CEP170: variants seen among roughly 807,000 people sequenced by gnomAD.
CEP170 encodes centrosomal protein 170.
CEP170 carries 21 observed loss-of-function variants against 151.9 expected under a neutral mutation model. The observed-to-expected ratio is 0.14, with a 90% CI of 0.10 to 0.20. The LOEUF is 0.20. CEP170 is among the 10% of genes least tolerant of loss of function. The probability of loss-of-function intolerance (pLI) is 1.00; values close to 1 mark genes in which losing one functional copy is unlikely to be tolerated. For synonymous variants in CEP170, 356 were observed against 648.8 expected (o/e 0.55, Z 6.86); for missense variants, 964 against 1,892.9 (o/e 0.51, Z 9.11).
At position 243,126,491 on chromosome 1, in the gene CEP170, G is replaced by T; in HGVS notation, c.4713C>A (p.Phe1571Leu). 2 of 1,610,022 alleles carry T rather than the reference G, an allele frequency of 1.2e-6. No homozygotes were observed. The highest frequency in any genetic ancestry group is 1.7e-6 in the Non-Finnish European group (2 of 1,177,836). The change falls in exon 20 of 20, where the codon TTC becomes TTA. Residue 1571 changes from phenylalanine (F) to leucine (L), a missense_variant. Phe to Leu is a conservative substitution (Grantham distance 22). Transcript: ENST00000366542. Reference protein sequence around the residue: ...EADFSIHFNRFNPDGEEEDVT... With the variant: ...EADFSIHFNRLNPDGEEEDVT... The stretch of plus-strand genomic sequence containing the variant: ...CATCTTCCTCTTCCCCATCGGGGTT[G>T]AATCTATTGAAATGTATACTGAAAT...
chr1:243,145,720 T>TA (rs2056405744), intron 14 of CEP170, among the ~76,000 whole-genome samples: 1 of 152,238 alleles, frequency 6.6e-6, no homozygotes, highest in South Asian at 2.1e-4. Flanking sequence ...TAATGAAGTA[T>TA]ACTAGCTTTA....
intron 14 of CEP170, among the ~76,000 whole-genome samples, chr1:243,146,532 G>A (rs1016578805): frequency 6.6e-6 from 1 of 151,958 alleles, no homozygotes; most frequent in African/African-American, 2.4e-5. Flanking sequence ...ATTTCCATGG[G>A]TAAAAACAAA....
At chr1:243,197,960 C>T (rs958478613) in intron 7 of CEP170, among the ~76,000 whole-genome samples, 6 of 152,106 alleles carry the variant, frequency 3.9e-5, no homozygotes, top group African/African-American at 7.2e-5. Context: ...AAGTTGATAA[C>T]GCTCGCTTTT....
intron 1 of CEP170, chr1:243,253,449 G>A (rs1398454848): frequency 6.6e-6 from 1 of 152,252 alleles, no homozygotes; most frequent in East Asian, 1.9e-4. Flanking sequence ...GGGCAGACAA[G>A]TCAGTTAACT....
chr1:243,127,158 A>G (rs1194828424), intron 19 of CEP170, among the ~76,000 whole-genome samples: 1 of 152,230 alleles, frequency 6.6e-6, no homozygotes, highest in Non-Finnish European at 1.5e-5. Context: ...AAGGCTGGAG[A>G]GGCCAGAAGA....
chr1:243,242,257 C>T (rs576680004), intron 1 of CEP170, among the ~76,000 whole-genome samples: 5 of 152,208 alleles, frequency 3.3e-5, no homozygotes, highest in South Asian at 2.1e-4. Context: ...CTCGCTCTGT[C>T]GCCCAGGCTG....
intron 12 of CEP170, among the ~76,000 whole-genome samples, chr1:243,167,903 T>C (rs1226686834): frequency 6.6e-6 from 1 of 151,980 alleles, no homozygotes; most frequent in Non-Finnish European, 1.5e-5. Flanking sequence ...ACATTCAATA[T>C]GCTTAACAAA....
chr1:243,143,240 C>T (rs1223237665), intron 14 of CEP170, among the ~76,000 whole-genome samples: 1 of 152,070 alleles, frequency 6.6e-6, no homozygotes, highest in Non-Finnish European at 1.5e-5. Flanking sequence ...TTACACTATG[C>T]ACAGCACTTT....
chr1:243,142,538 T>C, intron 14 of CEP170, 75 bp from the exon 15 acceptor site: 8 of 1,482,920 alleles, frequency 5.4e-6, no homozygotes, highest in Non-Finnish European at 7.2e-6. Context: ...TATGAGATAA[T>C]CAGTCATGTA....
chr1:243,237,400 C>T (rs148638013), intron 1 of CEP170, among the ~76,000 whole-genome samples: 1 of 152,144 alleles, frequency 6.6e-6, no homozygotes, highest in East Asian at 1.9e-4. Context: ...TTTACATATT[C>T]ATATATGGCT....
chr1:243,124,683 T>C lies in CEP170; in HGVS notation c.*1766A>G, dbSNP rs1361878162. ...CATGTGGATATAATCAGTACCCAAA[T>C]ATTAAATAAAAGAGGGAGCAATGCT... On this transcript the variant is annotated 3_prime_UTR_variant, in exon 20 of 20. Transcript: ENST00000366542. 6.6e-6 allele frequency: 1 copy of C among 152,558 alleles called. No homozygotes were observed. Among genetic ancestry groups the C allele is most frequent in the African/African-American group, 2.4e-5 (1 of 41,444 alleles). 9.5% of individuals were successfully genotyped at this position (152,558 alleles called of 1,614,324 possible). A position where few individuals can be genotyped will look rare whatever the true frequency, so the allele number is the denominator to read the frequency against.
At chr1:243,203,371 A>C (rs2148853941) in intron 4 of CEP170, among the ~76,000 whole-genome samples, 1 of 152,322 alleles carries the variant, frequency 6.6e-6, no homozygotes, top group Non-Finnish European at 1.5e-5. Context: ...CCCTGTACTG[A>C]CCTAAGTCAA....
chr1:243,131,670 C>A (rs1048268699), intron 17 of CEP170, among the ~76,000 whole-genome samples: 5 of 151,634 alleles, frequency 3.3e-5, no homozygotes, highest in African/African-American at 1.2e-4. Flanking sequence ...TAGTTTAGAC[C>A]AGGCTATAAT....
At position 243,126,242 on chromosome 1, in the gene CEP170, T is replaced by C. The variant is rs2053686088; in HGVS notation, c.*207A>G. ...GACACTGCCACAATCTGCTTTTTCC[T>C]ATTTGTGCATCAAGTGGTTATCTAA... On this transcript the variant is annotated 3_prime_UTR_variant, in exon 20 of 20. Transcript: ENST00000366542. 1 of 681,480 alleles carries C rather than the reference T, an allele frequency of 1.5e-6. No homozygotes were observed. The highest frequency in any genetic ancestry group is 1.5e-5 in the South Asian group (1 of 66,452). The allele number at this position is 681,480 out of a possible 1,614,324, so 42.2% of individuals were successfully genotyped here. A position where few individuals can be genotyped will look rare whatever the true frequency, so the allele number is the denominator to read the frequency against.
At chr1:243,127,554 G>A (rs1197298033) in intron 19 of CEP170, among the ~76,000 whole-genome samples, 3 of 151,362 alleles carry the variant, frequency 2.0e-5, no homozygotes, top group East Asian at 3.9e-4. Context: ...CTCATGGGGT[G>A]TACCATAACC....
intron 3 of CEP170, among the ~76,000 whole-genome samples, chr1:243,213,324 G>T (rs956320942): frequency 1.3e-5 from 2 of 152,060 alleles, no homozygotes; most frequent in Non-Finnish European, 2.9e-5. Context: ...AGGTATAAAA[G>T]ACATCTGGAG....
intron 4 of CEP170, among the ~76,000 whole-genome samples, chr1:243,205,071 G>C (rs1352599302): frequency 1.3e-5 from 2 of 152,190 alleles, no homozygotes; most frequent in Non-Finnish European, 2.9e-5. Flanking sequence ...GTCACACTGT[G>C]AGGAAGAATA....
chr1:243,154,005 A>G (rs2057343391), intron 14 of CEP170, among the ~76,000 whole-genome samples: 1 of 152,282 alleles, frequency 6.6e-6, no homozygotes, highest in Non-Finnish European at 1.5e-5. Context: ...CATATGCATC[A>G]GGGATACCTG....
chr1:243,185,748 C>A lies in CEP170; in HGVS notation c.1566+31G>T. The A allele has an allele frequency of 6.4e-7, 1 of 1,557,994 alleles. No homozygotes were observed. The highest frequency in any genetic ancestry group is 8.7e-7 in the Non-Finnish European group (1 of 1,153,832). Reference sequence around the variant, plus strand: ...ACCAGTCAAATACACCACACAACAACTAAGATCACACTCAAATTTCAATTA... The same window carrying A: ...ACCAGTCAAATACACCACACAACAAATAAGATCACACTCAAATTTCAATTA... On this transcript the variant is annotated intron_variant, in intron 10 of 19. Transcript: ENST00000366542. The surrounding 1 kb of genome is among the most constrained non-coding windows in gnomAD (Gnocchi z 4.9).
Sources: gnomAD v4.1 joint callset for allele counts (sites outside exome capture counted in the v4.1 genomes callset) on GRCh38, gnomAD v4.1.1 for gene constraint, Gnocchi (gnomAD v3.1) non-coding constraint, MANE v1.5 for transcripts, NCBI Gene and HGNC (gene_info 2026-07-23, HGNC 2026-07-21) for gene names.